The following AHCYL2 variants were observed in gnomAD, a reference collection of about 807,000 sequenced individuals.
The protein encoded by AHCYL2 is S-adenosylhomocysteine hydrolase-like protein 2.
AHCYL2 carries 28 observed loss-of-function variants against 81.4 expected under a neutral mutation model. The observed-to-expected ratio is 0.34, with a 90% CI of 0.25 to 0.47. AHCYL2 has a LOEUF of 0.47. Ranked by LOEUF, AHCYL2 falls within the 20% of genes least tolerant of loss-of-function variation. AHCYL2 has a pLI of 1.00. For missense variants in AHCYL2, 551 were observed against 785.1 expected, an observed-to-expected ratio of 0.70 and a Z score of 3.56; for synonymous variants, 272 against 290.2, an observed-to-expected ratio of 0.94 and a Z score of 0.64.
chr7:129,312,691 A>T (rs1797701123), intron 1 of AHCYL2, among the ~76,000 whole-genome samples: 1 of 152,190 alleles, frequency 6.6e-6, no homozygotes, highest in Non-Finnish European at 1.5e-5. Flanking sequence ...ATTTGAAAAA[A>T]TTGAGGTGTA....
chr7:129,282,889 G>A (rs972800446), intron 1 of AHCYL2, among the ~76,000 whole-genome samples: 2 of 152,026 alleles, frequency 1.3e-5, no homozygotes, highest in African/African-American at 4.8e-5. Context: ...TTGTTAGGTG[G>A]GGCCAGAGCA....
intron 5 of AHCYL2, among the ~76,000 whole-genome samples, chr7:129,399,594 C>G (rs892761264): frequency 5.4e-4 from 82 of 151,828 alleles, no homozygotes; most frequent in African/African-American, 1.9e-3. Context: ...GGGTTTTTTT[C>G]TTAATAATAG....
intron 5 of AHCYL2, among the ~76,000 whole-genome samples, chr7:129,398,177 T>A (rs2150922686): frequency 6.6e-6 from 1 of 151,922 alleles, no homozygotes; most frequent in South Asian, 2.1e-4. Context: ...CCCAGCTAAT[T>A]TAAAAAAAAT....
intron 1 of AHCYL2, among the ~76,000 whole-genome samples, chr7:129,294,885 A>G (rs1797001138): frequency 1.3e-5 from 2 of 152,210 alleles, no homozygotes; most frequent in Admixed American, 6.5e-5. Context: ...GAAGATGTTA[A>G]TAATATCTAT....
At chr7:129,236,655 A>G (rs184816554) in intron 1 of AHCYL2, among the ~76,000 whole-genome samples, 1 of 152,222 alleles carries the variant, frequency 6.6e-6, no homozygotes. Context: ...GCAAAATGCC[A>G]TGTTGTCTTT....
At chr7:129,318,109 G>A (rs566020746) in intron 1 of AHCYL2, among the ~76,000 whole-genome samples, 10 of 152,300 alleles carry the variant, frequency 6.6e-5, no homozygotes, top group African/African-American at 2.4e-4. Flanking sequence ...TTGATGATAA[G>A]TATGTGGAAG....
chr7:129,388,498 C>T (rs922483943), intron 2 of AHCYL2, among the ~76,000 whole-genome samples: 5 of 152,212 alleles, frequency 3.3e-5, no homozygotes, highest in African/African-American at 1.2e-4. Context: ...TTGAATACTT[C>T]ATTGTCAATG....
intron 1 of AHCYL2, among the ~76,000 whole-genome samples, chr7:129,268,890 C>T (rs568896849): frequency 6.0e-4 from 91 of 152,060 alleles, no homozygotes; most frequent in African/African-American, 2.1e-3. Flanking sequence ...GATTTTTTTT[C>T]ATATTTACAG....
chr7:129,423,699 A>G (rs1211639836), intron 13 of AHCYL2, among the ~76,000 whole-genome samples: 1 of 151,982 alleles, frequency 6.6e-6, no homozygotes, highest in Non-Finnish European at 1.5e-5. Context: ...CTTTTTTTAT[A>G]TTAAAGAACC....
chr7:129,291,941 G>GT (rs974200047), intron 1 of AHCYL2, among the ~76,000 whole-genome samples: 5 of 151,060 alleles, frequency 3.3e-5, no homozygotes, highest in East Asian at 1.9e-4. Context: ...ATATGGCTAA[G>GT]TTTTTTTTTA....
intron 1 of AHCYL2, among the ~76,000 whole-genome samples, chr7:129,285,720 G>A (rs185805364): frequency 7.3e-4 from 76 of 104,800 alleles, no homozygotes; most frequent in African/African-American, 2.7e-3. Context: ...TTTTTTTTGA[G>A]ATAGGGTCTG....
intron 1 of AHCYL2, among the ~76,000 whole-genome samples, chr7:129,354,096 G>A (rs944549446): frequency 6.6e-6 from 1 of 152,184 alleles, no homozygotes; most frequent in Non-Finnish European, 1.5e-5. Flanking sequence ...ATTGAGGACT[G>A]AATGGAAGGT....
intron 1 of AHCYL2, among the ~76,000 whole-genome samples, chr7:129,312,229 C>T (rs762743013): frequency 2.6e-5 from 4 of 152,108 alleles, no homozygotes; most frequent in Non-Finnish European, 5.9e-5. Context: ...GGACCACAAG[C>T]GTTCACCACC....
At chr7:129,423,145 A>T (rs1797193354) in intron 13 of AHCYL2, among the ~76,000 whole-genome samples, 1 of 152,216 alleles carries the variant, frequency 6.6e-6, no homozygotes, top group Admixed American at 6.5e-5. Flanking sequence ...TTCACCAATT[A>T]TCCTGTCTCT....
chr7:129,282,799 T>A (rs998377906), intron 1 of AHCYL2, among the ~76,000 whole-genome samples: 1 of 152,134 alleles, frequency 6.6e-6, no homozygotes, highest in Non-Finnish European at 1.5e-5. Flanking sequence ...GTGTCACAGT[T>A]AATTTATTAA....
chr7:129,424,398 T>TAATCAATC (rs143619970), intron 13 of AHCYL2, among the ~76,000 whole-genome samples: 18 of 151,650 alleles, frequency 1.2e-4, no homozygotes, highest in African/African-American at 3.2e-4. Context: ...AGACTCCATC[T>TAATCAATC]AATCAATCAA....
At chr7:129,327,342 C>T (rs1223798187) in intron 1 of AHCYL2, among the ~76,000 whole-genome samples, 1 of 152,198 alleles carries the variant, frequency 6.6e-6, no homozygotes, top group Admixed American at 6.5e-5. Flanking sequence ...AGATTTGTTG[C>T]ACGTTGATCT....
At chr7:129,391,225 A>C (rs1328437813) in intron 4 of AHCYL2, among the ~76,000 whole-genome samples, 1 of 152,206 alleles carries the variant, frequency 6.6e-6, no homozygotes. Flanking sequence ...AACTTTTTGT[A>C]ATCTTCTAAA....
At chr7:129,358,867 C>G (rs1001329039) in intron 1 of AHCYL2, among the ~76,000 whole-genome samples, 1 of 151,852 alleles carries the variant, frequency 6.6e-6, no homozygotes. Flanking sequence ...ATGACAGAGG[C>G]CAAGGATCTG....
Sources: gnomAD v4.1 joint callset for allele counts (sites outside exome capture counted in the v4.1 genomes callset) on GRCh38, gnomAD v4.1.1 for gene constraint, MANE v1.5 for transcripts, NCBI Gene and HGNC (gene_info 2026-07-23, HGNC 2026-07-21) for gene names.